MYO1E: variants seen among roughly 807,000 people sequenced by gnomAD.
MYO1E encodes the protein unconventional myosin-Ie.
Under a neutral mutation model 151.1 loss-of-function variants are expected in MYO1E, and 68 were observed. That is an observed-to-expected ratio of 0.45 (90% CI 0.37 to 0.55). The LOEUF (loss-of-function observed/expected upper bound fraction) is 0.55. Among genes scored for constraint, MYO1E ranks in the 20% least tolerant of loss-of-function variants. The probability of loss-of-function intolerance (pLI) is 0.00; values close to 1 mark genes in which losing one functional copy is unlikely to be tolerated. For missense variants in MYO1E, 1,363 were observed against 1,389.3 expected (o/e 0.98, Z 0.30); for synonymous variants, 601 against 501.7 (o/e 1.20, Z -2.64).
At chr15:59,259,116 A>G (rs11071418) in intron 3 of MYO1E, among the ~76,000 whole-genome samples, 68,273 of 152,046 alleles carry the variant, frequency 0.45, 19,085 homozygotes, top group Non-Finnish European at 0.64. Context: ...TCTTTTGGTC[A>G]TCCTCTCAAT....
At position 59,161,126 on chromosome 15, in the gene MYO1E, G is replaced by A; in HGVS notation, c.2732C>T (p.Pro911Leu). ...QGFGDLAVLK[P>L]SNKVLQVSIG... ...GCTGACCTGCAGCACTTTGTTACTGGGCTTGAGGACAGCCAGGTCCCCAAA... is the reference window on the plus strand; with the variant it reads ...GCTGACCTGCAGCACTTTGTTACTGAGCTTGAGGACAGCCAGGTCCCCAAA... The change falls in exon 24 of 28, where the codon CCC becomes CTC. Residue 911 changes from proline (P) to leucine (L), a missense_variant. Pro to Leu is a moderately conservative substitution (Grantham distance 98). Transcript: ENST00000288235. 6.2e-7 allele frequency: 1 copy of A among 1,614,046 alleles called. No individual in the cohort carries two copies. The highest frequency in any genetic ancestry group is 8.5e-7 in the Non-Finnish European group (1 of 1,180,028).
In MYO1E at chr15:59,350,965, C is replaced by T. The variant is rs2080820037; in HGVS notation, c.3+21533G>A. Among the ~76,000 whole-genome samples, 1 of 152,216 alleles carries T rather than the reference C, an allele frequency of 6.6e-6. No homozygotes were observed. Among genetic ancestry groups the T allele is most frequent in the African/African-American group, 2.4e-5 (1 of 41,450 alleles). ...AGGCTGGCGTGCAGTGGCGCGATCT[C>T]GGCTCAATGCAAGCTCCGCCTCCCA... is the stretch of plus-strand genomic sequence containing the variant. On this transcript the variant is annotated intron_variant, in intron 1 of 27. Transcript: ENST00000288235. The surrounding 1 kb of genome is among the most constrained non-coding windows in gnomAD (Gnocchi z 5.0).
intron 22 of MYO1E, among the ~76,000 whole-genome samples, chr15:59,164,672 A>C (rs1186659427): frequency 2.0e-5 from 3 of 152,178 alleles, no homozygotes; most frequent in African/African-American, 7.2e-5. Context: ...GTTCAGCCCC[A>C]TTCACAGGTC....
chr15:59,358,701 A>T (rs1368275361), intron 1 of MYO1E, among the ~76,000 whole-genome samples: 3 of 152,216 alleles, frequency 2.0e-5, no homozygotes, highest in South Asian at 4.1e-4. Flanking sequence ...ATAAAGTAAA[A>T]ACTTTATGTC....
intron 4 of MYO1E, among the ~76,000 whole-genome samples, chr15:59,254,923 T>A (rs996540542): frequency 5.9e-5 from 9 of 152,024 alleles, no homozygotes; most frequent in African/African-American, 1.7e-4. Flanking sequence ...CCTCCTGGGT[T>A]CAAGTGATTC....
chr15:59,181,192 T>C (rs1294714512), intron 18 of MYO1E, among the ~76,000 whole-genome samples: 1 of 152,212 alleles, frequency 6.6e-6, no homozygotes, highest in African/African-American at 2.4e-5. Context: ...GGAACGCCTT[T>C]GCTGATGAGG....
chr15:59,347,498 G>C (rs539482594), intron 1 of MYO1E, among the ~76,000 whole-genome samples: 2 of 152,248 alleles, frequency 1.3e-5, no homozygotes, highest in South Asian at 4.1e-4. Flanking sequence ...ATTTTATCTG[G>C]AAGAGTAAAT....
chr15:59,264,005 T>G (rs537955759), intron 2 of MYO1E, among the ~76,000 whole-genome samples: 1 of 152,300 alleles, frequency 6.6e-6, no homozygotes, highest in African/African-American at 2.4e-5. Context: ...TACATTTACA[T>G]CTTAGCACCA....
At chr15:59,288,792 T>G (rs2080402572) in intron 1 of MYO1E, among the ~76,000 whole-genome samples, 1 of 152,148 alleles carries the variant, frequency 6.6e-6, no homozygotes, top group Non-Finnish European at 1.5e-5. Context: ...TATGGGATTC[T>G]GAGAATAGGG....
intron 14 of MYO1E, 56 bp downstream of exon 14, chr15:59,208,625 G>A: frequency 6.3e-7 from 1 of 1,597,764 alleles, no homozygotes; most frequent in Non-Finnish European, 8.6e-7. Context: ...TGAGAAACCA[G>A]ATCACAAACC....
intron 1 of MYO1E, among the ~76,000 whole-genome samples, chr15:59,286,655 C>G (rs1478900549): frequency 3.9e-5 from 6 of 152,116 alleles, no homozygotes; most frequent in Admixed American, 2.6e-4. Flanking sequence ...GGGAAACAAG[C>G]CAAGCTCAGG....
At chr15:59,193,413 T>A (rs17269559) in intron 17 of MYO1E, among the ~76,000 whole-genome samples, 7,242 of 152,218 alleles carry the variant, frequency 0.048, 191 homozygotes, top group African/African-American at 0.07. Context: ...GCATTTTACA[T>A]CTTTAGAGGA....
At chr15:59,316,736 G>A (rs1402495923) in intron 1 of MYO1E, among the ~76,000 whole-genome samples, 1 of 152,132 alleles carries the variant, frequency 6.6e-6, no homozygotes, top group Non-Finnish European at 1.5e-5. Flanking sequence ...ACTTCACAGA[G>A]GATTTATGTG....
chr15:59,203,514 G>A (rs1333959705), intron 15 of MYO1E, among the ~76,000 whole-genome samples: 1 of 151,972 alleles, frequency 6.6e-6, no homozygotes, highest in Non-Finnish European at 1.5e-5. Context: ...TGAGTAGCTG[G>A]GACTACAAGT....
At chr15:59,192,968 C>T (rs2079743028) in intron 17 of MYO1E, among the ~76,000 whole-genome samples, 1 of 149,702 alleles carries the variant, frequency 6.7e-6, no homozygotes, top group Non-Finnish European at 1.5e-5. Flanking sequence ...TGAAGGAGAT[C>T]CTATTCTAGA....
intron 12 of MYO1E, among the ~76,000 whole-genome samples, chr15:59,211,545 G>C (rs941945869): frequency 2.0e-4 from 30 of 152,040 alleles, no homozygotes; most frequent in African/African-American, 6.8e-4. Context: ...CTCGCCACGG[G>C]GTTCCAGACT....
At chr15:59,309,804 T>C (rs2080538464) in intron 1 of MYO1E, among the ~76,000 whole-genome samples, 2 of 152,344 alleles carry the variant, frequency 1.3e-5, no homozygotes, top group African/African-American at 4.8e-5. Flanking sequence ...ACATAAAGCA[T>C]AACTTAAGTG....
chr15:59,255,099 C>CT (rs200969650), intron 4 of MYO1E, among the ~76,000 whole-genome samples: 1,570 of 150,160 alleles, frequency 0.01, 31 homozygotes, highest in African/African-American at 0.036. Flanking sequence ...AGGTATAAGC[C>CT]TTTTTTTTTG....
At chr15:59,298,561 G>C (rs1482750682) in intron 1 of MYO1E, among the ~76,000 whole-genome samples, 1 of 152,216 alleles carries the variant, frequency 6.6e-6, no homozygotes, top group Non-Finnish European at 1.5e-5. Context: ...TGTGTGGGAT[G>C]TTCACGTCTG....
Sources: allele counts gnomAD v4.1 joint callset (sites outside exome capture counted in the v4.1 genomes callset), GRCh38; gene constraint gnomAD v4.1.1; non-coding constraint Gnocchi (gnomAD v3.1); transcripts MANE v1.5; gene names NCBI Gene and HGNC (gene_info 2026-07-23, HGNC 2026-07-21).